The following NAGA variants were observed in gnomAD, a reference collection of about 807,000 sequenced individuals.
The protein encoded by NAGA is alpha-N-acetylgalactosaminidase.
Under a neutral mutation model 45.6 loss-of-function variants are expected in NAGA, and 42 were observed. That is an observed-to-expected ratio of 0.92 (90% CI 0.72 to 1.19). The LOEUF is 1.19. Ranked by LOEUF, NAGA falls within the 50% of genes most tolerant of loss-of-function variation. The pLI, the probability that NAGA is intolerant of heterozygous loss-of-function variation, is 0.00. For missense variants in NAGA, 493 were observed against 544.8 expected (o/e 0.90, Z 0.95); for synonymous variants, 176 against 203.1 (o/e 0.87, Z 1.13).
At chr22:42,060,861 C>T in intron 8 of NAGA, 63 bp downstream of exon 8, 2 of 1,609,438 alleles carry the variant, frequency 1.2e-6, no homozygotes, top group African/African-American at 1.3e-5. Flanking sequence ...AACCACCCCC[C>T]ATAATACCCT....
At chr22:42,061,167 G>T in intron 7 of NAGA, 100 bp from the exon 8 acceptor site, 1 of 1,446,726 alleles carries the variant, frequency 6.9e-7, no homozygotes, top group Non-Finnish European at 9.5e-7. Flanking sequence ...CCAGTTCACA[G>T]CTCCATGTCA....
At chr22:42,061,852 T>C (rs939944688) in intron 7 of NAGA, among the ~76,000 whole-genome samples, 1 of 148,148 alleles carries the variant, frequency 6.8e-6, no homozygotes, top group Admixed American at 7.0e-5. Flanking sequence ...CCTGGGAGGC[T>C]GAGGCAGGAA....
chr22:42,067,390 C>G, intron 3 of NAGA, 100 bp from the exon 4 acceptor site: 1 of 1,448,750 alleles, frequency 6.9e-7, no homozygotes, highest in Non-Finnish European at 9.6e-7. Flanking sequence ...GTGGCTCCCA[C>G]GGACCAAAGG....
At chr22:42,064,145 A>C (rs1371876289) in intron 6 of NAGA, among the ~76,000 whole-genome samples, 1 of 151,460 alleles carries the variant, frequency 6.6e-6, no homozygotes, top group African/African-American at 2.4e-5. Flanking sequence ...GTTCGAAACC[A>C]GCCTGACCAA....
chr22:42,068,316 G>A lies in NAGA; in HGVS notation c.152+123C>T, dbSNP rs1279650995. 3 of 1,491,410 alleles carry A rather than the reference G, an allele frequency of 2.0e-6. No homozygotes were observed. The African/African-American group carries it at 4.1e-5, about 21-fold the overall frequency. 92.4% of individuals were successfully genotyped at this position (1,491,410 alleles called of 1,614,324 possible). On this transcript the variant is annotated intron_variant, in intron 2 of 8. Transcript: ENST00000396398. ...TGTCAGACAGTCCGAGTGACTTCTG[G>A]CTGCAGTCTCTGGGATGGAGAACTC...
At chr22:42,068,060 A>G in intron 2 of NAGA, 124 bp from the exon 3 acceptor site, 2 of 926,306 alleles carry the variant, frequency 2.2e-6, no homozygotes, top group Admixed American at 1.7e-5. Flanking sequence ...TAAGCCAGGT[A>G]TCAGTGTAAA....
chr22:42,062,717 G>T lies in NAGA; in HGVS notation c.957+110C>A, dbSNP rs568719257. 186 of 1,262,144 alleles carry T rather than the reference G, an allele frequency of 1.5e-4. 2 individuals carry two copies. In the South Asian group the frequency reaches 2.1e-3, roughly 14 times the overall value. The allele number at this position is 1,262,144 out of a possible 1,614,324, so 78.2% of individuals were successfully genotyped here. On this transcript the variant is annotated intron_variant, in intron 7 of 8. Coordinates refer to ENST00000396398, the MANE Select transcript of NAGA (RefSeq NM_000262.3). ...GAAGGGGTAGCCCTGGTTGGGGACT[G>T]GGCGACTCCTGTACCTCGCCAGGTG...
At chr22:42,068,124 G>T (rs1469926369) in intron 2 of NAGA, among the ~76,000 whole-genome samples, 188 bp from the exon 3 acceptor site, 1 of 152,222 alleles carries the variant, frequency 6.6e-6, no homozygotes, top group Non-Finnish European at 1.5e-5. Context: ...GAAAGGAGTG[G>T]CTGGCCCCAG....
chr22:42,067,922 A>C lies in NAGA; in HGVS notation c.167T>G (p.Met56Arg). The part of the protein sequence containing the change: ...PKNCISEQLF[M>R]EMADRMAQDG... ...CTGTGCCATCCGGTCAGCCATCTCCATGAAGAGCTGTTCACTAGTGAGGGG... is the reference window on the plus strand; with the variant it reads ...CTGTGCCATCCGGTCAGCCATCTCCCTGAAGAGCTGTTCACTAGTGAGGGG... Residue 56 changes from methionine to arginine, a missense_variant, in exon 3 of 9, where the codon ATG becomes AGG. Physicochemically the swap from Met to Arg is moderately conservative, Grantham distance 91 (BLOSUM62 -1). Coordinates refer to ENST00000396398, the MANE Select transcript of NAGA (RefSeq NM_000262.3). 2 of 1,613,590 alleles carry C rather than the reference A, an allele frequency of 1.2e-6. No homozygotes were observed. The highest frequency in any genetic ancestry group is 8.5e-7 in the Non-Finnish European group (1 of 1,179,966).
rs1926269502 is a variant in NAGA at position 42,060,066 on chromosome 22, G to A, written c.*213C>T. The A allele has an allele frequency of 1.7e-6, 1 of 601,724 alleles. No homozygotes were observed. The allele number at this position is 601,724 out of a possible 1,614,324, so 37.3% of individuals were successfully genotyped here. A position where few individuals can be genotyped will look rare whatever the true frequency, so the allele number is the denominator to read the frequency against. On this transcript the variant is annotated 3_prime_UTR_variant, in exon 9 of 9. Transcript: ENST00000396398. The stretch of plus-strand genomic sequence containing the variant: ...GCACATGGAAGTAGAGGCCAGGAAG[G>A]CCACAGGAAAATTGCCCCAAAAGAA...
At position 42,066,709 on chromosome 22, in the gene NAGA, C is replaced by T; in HGVS notation, c.597+1G>A. Reference sequence around the variant, plus strand: ...ATCAGGCAGGGGGCAGAATGGCTTACCCTTGGGGGGAGGCCGCCTTCATAG... The same window carrying T: ...ATCAGGCAGGGGGCAGAATGGCTTATCCTTGGGGGGAGGCCGCCTTCATAG... On this transcript the variant is annotated splice_donor_variant, in intron 5 of 8. Coordinates refer to ENST00000396398, the MANE Select transcript of NAGA (RefSeq NM_000262.3). LOFTEE classifies it high-confidence loss of function. The T allele has an allele frequency of 1.3e-6, 2 of 1,595,708 alleles. No homozygotes were observed. The highest frequency in any genetic ancestry group is 1.7e-6 in the Non-Finnish European group (2 of 1,171,478).
chr22:42,069,030 G>A (rs1213389627), intron 1 of NAGA, among the ~76,000 whole-genome samples: 1 of 152,148 alleles, frequency 6.6e-6, no homozygotes, highest in Non-Finnish European at 1.5e-5. Context: ...AGGCCGAGGC[G>A]AGTGGATCAC....
chr22:42,067,851 A>G lies in NAGA; in HGVS notation c.238T>C (p.Cys80Arg). 1 of 1,613,418 alleles carries G rather than the reference A, an allele frequency of 6.2e-7. No homozygotes were observed. ...MGYTYLNIDD[C>R]WIGGRDASGR... ...CTGGCATCGCGACCACCGATCCAGC[A>G]GTCATCAATGTTGAGGTATGTGTAG... The change falls in exon 3 of 9, where the codon TGC becomes CGC. Residue 80 changes from cysteine (C) to arginine (R), a missense_variant. Transcript: ENST00000396398.
chr22:42,062,370 G>A (rs1162576787), intron 7 of NAGA, among the ~76,000 whole-genome samples: 1 of 152,124 alleles, frequency 6.6e-6, no homozygotes, highest in Non-Finnish European at 1.5e-5. Flanking sequence ...GGAGGCTGAG[G>A]CACGAGAATT....
In NAGA at chr22:42,066,691, A is replaced by AG. The variant is rs553359794; in HGVS notation, c.597+18dup. On this transcript the variant is annotated intron_variant, in intron 5 of 8. Transcript: ENST00000396398. ...CTGGGTGTGGGAAGCGCCATCAGGC[A>AG]GGGGGCAGAATGGCTTACCCTTGGG... 4,857 of 1,581,446 alleles carry AG rather than the reference A, an allele frequency of 3.1e-3. 52 individuals carry two copies. The highest frequency in any genetic ancestry group is 1.9e-3 in the Non-Finnish European group (2,248 of 1,163,302).
chr22:42,069,919 A>C (rs1926955127), intron 1 of NAGA, among the ~76,000 whole-genome samples: 1 of 152,188 alleles, frequency 6.6e-6, no homozygotes, highest in Non-Finnish European at 1.5e-5. Context: ...GAGGCTTAAG[A>C]AGTAAGCCAG....
intron 7 of NAGA, 74 bp downstream of exon 7, chr22:42,062,753 G>C: frequency 1.3e-6 from 2 of 1,541,318 alleles, no homozygotes; most frequent in South Asian, 2.2e-5. Flanking sequence ...TTGCCCCCAG[G>C]GAGGCTGGCA....
intron 1 of NAGA, 21 bp from the exon 2 acceptor site, chr22:42,068,595 G>C (rs1926881536): frequency 1.9e-6 from 3 of 1,613,492 alleles, no homozygotes; most frequent in African/African-American, 2.7e-5. Flanking sequence ...AGGGAGGAGG[G>C]GATGGTGACT....
chr22:42,065,079 T>G (rs1411696970), intron 6 of NAGA, among the ~76,000 whole-genome samples: 1 of 152,208 alleles, frequency 6.6e-6, no homozygotes, highest in African/African-American at 2.4e-5. Context: ...ATTAAGTTAC[T>G]TGCCCGAGGT....
Sources: gnomAD v4.1 joint callset for allele counts (sites outside exome capture counted in the v4.1 genomes callset) on GRCh38, gnomAD v4.1.1 for gene constraint, MANE v1.5 for transcripts, NCBI Gene and HGNC (gene_info 2026-07-23, HGNC 2026-07-21) for gene names.